ST18: variants seen among roughly 807,000 people sequenced by gnomAD.
The protein encoded by ST18 is suppression of tumorigenicity 18 protein.
In ST18, 50 loss-of-function variants were observed where a neutral mutation model predicts 110.0. That is an observed-to-expected ratio of 0.45 (90% CI 0.36 to 0.58). ST18 has a LOEUF of 0.58. Ranked by LOEUF, ST18 falls within the 20% of genes least tolerant of loss-of-function variation. The pLI, the probability that ST18 is intolerant of heterozygous loss-of-function variation, is 0.00. For synonymous variants in ST18, 461 were observed against 452.4 expected (o/e 1.02, Z -0.24); for missense variants, 1,306 against 1,280.1 (o/e 1.02, Z -0.31).
intron 2 of ST18, among the ~76,000 whole-genome samples, chr8:52,275,982 C>T (rs914664414): frequency 2.1e-5 from 3 of 144,690 alleles, no homozygotes; most frequent in African/African-American, 7.6e-5. Context: ...CATACCACAT[C>T]CTACACATCA....
chr8:52,142,121 G>A (rs1400184586), intron 17 of ST18, among the ~76,000 whole-genome samples: 1 of 152,124 alleles, frequency 6.6e-6, no homozygotes, highest in Non-Finnish European at 1.5e-5. Flanking sequence ...TTTCTGACAG[G>A]GGAAGGGGAT....
intron 2 of ST18, among the ~76,000 whole-genome samples, chr8:52,348,359 C>T (rs79693248): frequency 1.7e-3 from 265 of 152,302 alleles, no homozygotes; most frequent in African/African-American, 6.1e-3. Context: ...GCCCAAGCAT[C>T]GGCAGCTTCT....
At chr8:52,380,521 C>T (rs1234351881) in intron 2 of ST18, among the ~76,000 whole-genome samples, 1 of 152,100 alleles carries the variant, frequency 6.6e-6, no homozygotes, top group African/African-American at 2.4e-5. Flanking sequence ...CACAATGTTG[C>T]ATTGATCCAC....
intron 2 of ST18, among the ~76,000 whole-genome samples, chr8:52,346,120 CAT>C (rs1177406309): frequency 6.6e-6 from 1 of 151,208 alleles, no homozygotes; most frequent in Non-Finnish European, 1.5e-5. Flanking sequence ...CAGTAGGTGA[CAT>C]ATTATATTCA....
chr8:52,201,620 A>C (rs1320580763), intron 8 of ST18, among the ~76,000 whole-genome samples: 1 of 152,110 alleles, frequency 6.6e-6, no homozygotes. Flanking sequence ...AAAACAAAAA[A>C]ACAAAAAAAC....
Position 52,171,924 on chromosome 8 carries a change from G to A in ST18, c.937C>T (p.Gln313Ter). Reference protein sequence around the residue: ...LSLLEQAIALQAERGCVFHNT... With the variant: ...LSLLEQAIAL ...TGGAAAACACAACCTCGCTCAGCCTGCAGAGCAATTGCCTGCTCCAGCAAA... is the reference window on the plus strand; with the variant it reads ...TGGAAAACACAACCTCGCTCAGCCTACAGAGCAATTGCCTGCTCCAGCAAA... The change falls in exon 10 of 26, where the codon CAG becomes TAG. Residue 313 changes from glutamine (Q) to a stop codon, truncating the protein, a stop_gained. Coordinates refer to ENST00000689386, the MANE Select transcript of ST18 (RefSeq NM_001352837.2). LOFTEE classifies it high-confidence loss of function. The A allele has an allele frequency of 6.2e-7, 1 of 1,614,210 alleles. No individual in the cohort carries two copies.
chr8:52,383,171 G>T (rs1466549164), intron 2 of ST18, among the ~76,000 whole-genome samples: 1 of 152,072 alleles, frequency 6.6e-6, no homozygotes, highest in Non-Finnish European at 1.5e-5. Flanking sequence ...CTATTTCAGG[G>T]TTCAGCCTTC....
intron 8 of ST18, among the ~76,000 whole-genome samples, chr8:52,197,584 A>G (rs1223995645): frequency 6.6e-6 from 1 of 152,204 alleles, no homozygotes; most frequent in African/African-American, 2.4e-5. Flanking sequence ...TAGTACGGTA[A>G]TGAATAAAGT....
At chr8:52,363,942 T>C (rs148477286) in intron 2 of ST18, among the ~76,000 whole-genome samples, 4 of 152,312 alleles carry the variant, frequency 2.6e-5, no homozygotes, top group East Asian at 1.9e-4. Flanking sequence ...ACAGGAATCA[T>C]TGGCAAAAGT....
At chr8:52,349,092 C>T (rs1052818246) in intron 2 of ST18, among the ~76,000 whole-genome samples, 2 of 152,164 alleles carry the variant, frequency 1.3e-5, no homozygotes, top group Admixed American at 6.6e-5. Flanking sequence ...ACCGTATTTG[C>T]CTTTCCATGC....
chr8:52,294,941 T>C (rs543286939), intron 2 of ST18, among the ~76,000 whole-genome samples: 7 of 152,372 alleles, frequency 4.6e-5, no homozygotes, highest in African/African-American at 1.7e-4. Flanking sequence ...TATATGCTAC[T>C]GTGCTTTATC....
chr8:52,388,766 A>G (rs2140944441), intron 2 of ST18, among the ~76,000 whole-genome samples: 1 of 137,540 alleles, frequency 7.3e-6, no homozygotes, highest in Admixed American at 7.9e-5. Context: ...ATAAAGAACA[A>G]GCAACACATG....
In ST18 at chr8:52,257,969, G is replaced by A. The variant is rs568895256; in HGVS notation, c.-464-27892C>T. Among the ~76,000 whole-genome samples, 284 of 152,268 alleles carry A rather than the reference G, an allele frequency of 1.9e-3. 2 individuals are homozygous for A. Among genetic ancestry groups the A allele is most frequent in the African/African-American group, 6.5e-3 (272 of 41,572 alleles). On this transcript the variant is annotated intron_variant, in intron 2 of 25. Coordinates refer to ENST00000689386, the MANE Select transcript of ST18 (RefSeq NM_001352837.2). ...TAATATTTGCATATGCTGTGAGGTAGAGATCCAACTGCATTCTTTTTCATG... is the reference window on the plus strand; with the variant it reads ...TAATATTTGCATATGCTGTGAGGTAAAGATCCAACTGCATTCTTTTTCATG...
intron 8 of ST18, chr8:52,194,804 C>T (rs1265005340): frequency 6.6e-6 from 1 of 152,162 alleles, no homozygotes; most frequent in Non-Finnish European, 1.5e-5. Context: ...TGAATGACTC[C>T]AACATCATGA....
intron 8 of ST18, among the ~76,000 whole-genome samples, chr8:52,204,417 C>T (rs1338802327): frequency 1.3e-5 from 2 of 152,116 alleles, no homozygotes; most frequent in Non-Finnish European, 1.5e-5. Context: ...TGTTAAAAGG[C>T]GAGAGGGAGC....
chr8:52,201,565 C>A (rs573773888), intron 8 of ST18, among the ~76,000 whole-genome samples: 2 of 152,134 alleles, frequency 1.3e-5, no homozygotes, highest in Non-Finnish European at 2.9e-5. Context: ...CGGAGTAGTT[C>A]CTGTAACTCA....
At position 52,385,695 on chromosome 8, in the gene ST18, G is replaced by A. The variant is rs192499195; in HGVS notation, c.-465+23633C>T. 2.2e-4 allele frequency among the ~76,000 whole-genome samples: 32 copies of A among 147,592 alleles called. No individual in the cohort carries two copies. The East Asian group carries it at 6.1e-3, about 28-fold the overall frequency. ...TACCTCCTGCTGCCCCAGAGCCCTC[G>A]CTTAACTTCACAGAAAACAAATTAG... is the stretch of plus-strand genomic sequence containing the variant. On this transcript the variant is annotated intron_variant, in intron 2 of 25. Coordinates refer to ENST00000689386, the MANE Select transcript of ST18 (RefSeq NM_001352837.2).
At chr8:52,355,897 C>T (rs1287704627) in intron 2 of ST18, among the ~76,000 whole-genome samples, 23 of 152,180 alleles carry the variant, frequency 1.5e-4, no homozygotes, top group African/African-American at 2.4e-5. Context: ...TGAAGCATTA[C>T]AAGGGCTAGG....
chr8:52,242,978 G>A (rs1040144731), intron 2 of ST18, among the ~76,000 whole-genome samples: 1 of 152,008 alleles, frequency 6.6e-6, no homozygotes, highest in African/African-American at 2.4e-5. Context: ...AAAATACTCA[G>A]AGGAAGAATT....
Sources: gnomAD v4.1 joint callset for allele counts (sites outside exome capture counted in the v4.1 genomes callset) on GRCh38, gnomAD v4.1.1 for gene constraint, MANE v1.5 for transcripts, NCBI Gene and HGNC (gene_info 2026-07-23, HGNC 2026-07-21) for gene names.